Variants in F11R observed in about 807,000 individuals in gnomAD.
F11R encodes the protein F11 receptor, also known as junctional adhesion molecule A.
Under a neutral mutation model 39.3 loss-of-function variants are expected in F11R, and 27 were observed. That is an observed-to-expected ratio of 0.69 (90% CI 0.51 to 0.95). The LOEUF (loss-of-function observed/expected upper bound fraction) is 0.95, where lower values mean the gene tolerates loss of function less well. F11R is among the 40% of genes least tolerant of loss of function. The pLI, the probability that F11R is intolerant of heterozygous loss-of-function variation, is 0.00. For missense variants in F11R, 335 were observed against 372.7 expected (o/e 0.90, Z 0.83); for synonymous variants, 131 against 144.9 (o/e 0.90, Z 0.69).
chr1:160,999,423 A>G lies in F11R; in HGVS notation c.803-15T>C. 6.2e-7 allele frequency: 1 copy of G among 1,614,212 alleles called. No individual in the cohort carries two copies. The highest frequency in any genetic ancestry group is 1.7e-5 in the Admixed American group (1 of 60,016). ...TTTCTTTGTTCCTGAAAGAGAAGAA[A>G]TGGGATCATGAGTGTCAGCAGGACA... On this transcript the variant is annotated splice_polypyrimidine_tract_variant and intron_variant, in intron 7 of 9. Coordinates refer to ENST00000368026, the MANE Select transcript of F11R (RefSeq NM_016946.6).
At chr1:161,003,735 C>A (rs1223711716) in intron 1 of F11R, among the ~76,000 whole-genome samples, 3 of 151,940 alleles carry the variant, frequency 2.0e-5, no homozygotes, top group Non-Finnish European at 2.9e-5. Flanking sequence ...CGCCACTACG[C>A]CTAGCTAGTT....
intron 9 of F11R, 34 bp downstream of exon 9, chr1:160,999,000 CAGCCCCAGG>C: frequency 6.2e-7 from 1 of 1,613,750 alleles, no homozygotes; most frequent in Non-Finnish European, 8.5e-7. Context: ...CTCCTCACTC[CAGCCCCAGG>C]TGGCCCACCC....
In F11R at chr1:161,006,685, C is replaced by T. The variant is rs527840236; in HGVS notation, c.65-5332G>A. Among the ~76,000 whole-genome samples the T allele has an allele frequency of 4.8e-4, 73 of 152,300 alleles. 1 individual carries two copies. In the South Asian group the frequency reaches 0.013, roughly 28 times the overall value. The stretch of plus-strand genomic sequence containing the variant: ...CCCACCTCTGTTGCAGGATTAACTA[C>T]GTCTGCCTGTGACCTGACTGTGCCA... On this transcript the variant is annotated intron_variant, in intron 1 of 9. Transcript: ENST00000368026.
Position 160,998,542 on chromosome 1 carries a change from G to A in F11R, c.*329C>T. 1 of 508,232 alleles carries A rather than the reference G, an allele frequency of 2.0e-6. No homozygotes were observed. Among genetic ancestry groups the A allele is most frequent in the East Asian group, 3.4e-5 (1 of 29,304 alleles). The allele number at this position is 508,232 out of a possible 1,614,324, so 31.5% of individuals were successfully genotyped here. On this transcript the variant is annotated 3_prime_UTR_variant, in exon 10 of 10. Coordinates refer to ENST00000368026, the MANE Select transcript of F11R (RefSeq NM_016946.6). ...CCAGCCAGGTGGGCAGTTGAGTGCA[G>A]ATTCCTGCGACCCCCGCCATTTTTG...
intron 7 of F11R, 112 bp downstream of exon 7, chr1:160,999,528 G>A (rs1316358365): frequency 4.0e-6 from 6 of 1,518,886 alleles, no homozygotes; most frequent in Non-Finnish European, 5.5e-6. Context: ...TTCCCCAGGG[G>A]ACAACACCCA....
rs201801022 is a variant in F11R, at chr1:160,999,792, C to T, written c.695-45G>A. 156 of 1,606,796 alleles carry T rather than the reference C, an allele frequency of 9.7e-5. 1 individual carries two copies. The highest frequency in any genetic ancestry group is 1.8e-4 in the Admixed American group (11 of 59,984). ...AGTCAGGCACGGGGATACTCACTCA[C>T]GGCACCTACAGTATCACCAATGGCA... On this transcript the variant is annotated intron_variant, in intron 6 of 9. Transcript: ENST00000368026.
intron 4 of F11R, 63 bp downstream of exon 4, chr1:161,000,568 C>T: frequency 6.2e-7 from 1 of 1,600,922 alleles, no homozygotes; most frequent in Non-Finnish European, 8.6e-7. Context: ...CTCCAAAGTG[C>T]AGCAGAGCCT....
intron 4 of F11R, 85 bp downstream of exon 4, chr1:161,000,546 A>C: frequency 6.4e-7 from 1 of 1,574,256 alleles, no homozygotes; most frequent in Non-Finnish European, 8.7e-7. Flanking sequence ...GGGTATTCTC[A>C]CCATCAAAGA....
intron 3 of F11R, 118 bp downstream of exon 3, chr1:161,000,902 T>G: frequency 3.4e-6 from 5 of 1,471,696 alleles, no homozygotes; most frequent in Non-Finnish European, 4.7e-6. Flanking sequence ...AGGAAGGCCA[T>G]GAGGACTTCA....
chr1:161,007,894 T>C (rs1648916229), intron 1 of F11R, among the ~76,000 whole-genome samples: 1 of 152,150 alleles, frequency 6.6e-6, no homozygotes, highest in Admixed American at 6.6e-5. Context: ...AGCTAGGAAC[T>C]TGCTCTCACT....
chr1:161,018,912 T>C (rs1271554573), intron 1 of F11R, among the ~76,000 whole-genome samples: 1 of 152,164 alleles, frequency 6.6e-6, no homozygotes. Flanking sequence ...ACCTCCAAGC[T>C]CAAAATGGTG....
At chr1:161,005,785 C>G (rs1360136061) in intron 1 of F11R, among the ~76,000 whole-genome samples, 1 of 152,112 alleles carries the variant, frequency 6.6e-6, no homozygotes, top group Non-Finnish European at 1.5e-5. Context: ...TCCCAAAGTG[C>G]TAGGATTACA....
chr1:161,007,335 C>G (rs995612648), intron 1 of F11R, among the ~76,000 whole-genome samples: 16 of 151,596 alleles, frequency 1.1e-4, no homozygotes, highest in African/African-American at 3.6e-4. Flanking sequence ...CGTGGTGGTG[C>G]ATGCCTGTAA....
chr1:161,000,558 C>A, intron 4 of F11R, 73 bp downstream of exon 4: 1 of 1,594,248 alleles, frequency 6.3e-7, no homozygotes. Context: ...CATCAAAGAG[C>A]TCCAAAGTGC....
At chr1:161,006,563 A>G (rs1177028329) in intron 1 of F11R, among the ~76,000 whole-genome samples, 1 of 152,254 alleles carries the variant, frequency 6.6e-6, no homozygotes, top group East Asian at 1.9e-4. Context: ...CTACAGGCAT[A>G]TTACCCTTTT....
At chr1:161,017,752 G>A (rs1292438321) in intron 1 of F11R, among the ~76,000 whole-genome samples, 5 of 146,666 alleles carry the variant, frequency 3.4e-5, no homozygotes, top group African/African-American at 5.0e-5. Context: ...TCCAAGTCTC[G>A]TTCCACCTTA....
Position 161,021,049 on chromosome 1 carries a change from T to C in F11R, c.25A>G (p.Arg9Gly). 1.9e-6 allele frequency: 3 copies of C among 1,613,896 alleles called. No individual in the cohort carries two copies. In the South Asian group the frequency reaches 3.3e-5, roughly 18 times the overall value. The change falls in exon 1 of 10, where the codon AGG becomes GGG. Residue 9 changes from arginine (R) to glycine (G), a missense_variant. Physicochemically the swap from Arg to Gly is moderately radical, Grantham distance 125 (BLOSUM62 -2). Transcript: ENST00000368026. MGTKAQVE[R>G]KLLCLFILAI... is the part of the protein sequence containing the mutation. ...AATATGAAGAGGCACAACAGTTTCC[T>C]CTCGACTTGCGCCTTTGTCCCCATC...
chr1:161,008,071 G>A (rs1261917697), intron 1 of F11R, among the ~76,000 whole-genome samples: 5 of 152,086 alleles, frequency 3.3e-5, no homozygotes, highest in Admixed American at 2.0e-4. Flanking sequence ...CGTGGTAAAC[G>A]AATAATAGAA....
chr1:160,999,758 CAAAT>C lies in F11R; in HGVS notation c.695-15_695-12del. 6.2e-7 allele frequency: 1 copy of C among 1,613,830 alleles called. No individual in the cohort carries two copies. Among genetic ancestry groups the C allele is most frequent in the Non-Finnish European group, 8.5e-7 (1 of 1,179,754 alleles). ...CCACATTCCGCTCCACTGCGAGACA[CAAAT>C]AAGAAGTCAGGCACGGGGATACTCA... On this transcript the variant is annotated splice_polypyrimidine_tract_variant and intron_variant, in intron 6 of 9. Transcript: ENST00000368026.
Sources: gnomAD v4.1 joint callset for allele counts (sites outside exome capture counted in the v4.1 genomes callset) on GRCh38, gnomAD v4.1.1 for gene constraint, MANE v1.5 for transcripts, NCBI Gene and HGNC (gene_info 2026-07-23, HGNC 2026-07-21) for gene names.